Variants in CHD9 observed in about 807,000 individuals in gnomAD.
The protein encoded by CHD9 is ATP-dependent chromatin remodeler CHD9.
A neutral mutation model predicts 316.1 loss-of-function variants in CHD9; 77 were observed. The ratio of observed to expected loss-of-function variants is 0.24; its 90% confidence interval spans 0.20 to 0.29. The LOEUF (loss-of-function observed/expected upper bound fraction) is 0.29, where lower values mean the gene tolerates loss of function less well. Among genes scored for constraint, CHD9 ranks in the 10% least tolerant of loss-of-function variants. The probability of loss-of-function intolerance (pLI) is 1.00; values close to 1 mark genes in which losing one functional copy is unlikely to be tolerated. For missense variants in CHD9, 2,763 were observed against 3,438.1 expected (o/e 0.80, Z 4.91); for synonymous variants, 1,129 against 1,158.3 (o/e 0.97, Z 0.51).
At chr16:53,250,088 C>A (rs1208769890) in intron 17 of CHD9, 22 bp downstream of exon 17, 1 of 1,549,078 alleles carries the variant, frequency 6.5e-7, no homozygotes, top group Non-Finnish European at 8.7e-7. Flanking sequence ...CCTTGGCTAA[C>A]AAAAAATGCA....
chr16:53,303,506 CT>C (rs1430722451), intron 30 of CHD9, among the ~76,000 whole-genome samples: 2 of 151,954 alleles, frequency 1.3e-5, no homozygotes, highest in Non-Finnish European at 2.9e-5. Flanking sequence ...AAACTTTCTC[CT>C]TTTTAAAGCT....
intron 1 of CHD9, among the ~76,000 whole-genome samples, chr16:53,093,781 C>A (rs2036151831): frequency 6.6e-6 from 1 of 152,142 alleles, no homozygotes; most frequent in Non-Finnish European, 1.5e-5. Context: ...GATCTAGGGT[C>A]CTCCTGGCTC....
intron 1 of CHD9, among the ~76,000 whole-genome samples, chr16:53,153,539 T>C (rs1009089226): frequency 2.6e-5 from 4 of 152,122 alleles, no homozygotes; most frequent in African/African-American, 7.2e-5. Flanking sequence ...TTTTCTTCGT[T>C]TGTTTTGGAG....
chr16:53,209,625 G>C lies in CHD9; in HGVS notation c.1596G>C (p.Glu532Asp). ...KQEKANRIIS[E>D]AIAKAKERGE... ...AAAAGGCTAATCGTATAATATCAGAGGCCATAGCAAAAGCAAAGGAGCGTG... is the reference window on the plus strand; with the variant it reads ...AAAAGGCTAATCGTATAATATCAGACGCCATAGCAAAAGCAAAGGAGCGTG... The change falls in exon 3 of 39, where the codon GAG becomes GAC. Residue 532 changes from glutamate (E) to aspartate (D), a missense_variant. This residue lies in a region of CHD9 where 859 missense variants were observed against 890.4 expected (regional missense o/e 0.96). Transcript: ENST00000447540. The C allele has an allele frequency of 3.1e-6, 5 of 1,613,840 alleles. No homozygotes were observed. The highest frequency in any genetic ancestry group is 2.7e-5 in the African/African-American group (2 of 74,988).
At chr16:53,308,941 T>G (rs2056228397) in intron 34 of CHD9, 87 bp downstream of exon 34, 1 of 1,094,746 alleles carries the variant, frequency 9.1e-7, no homozygotes, top group Non-Finnish European at 1.3e-6. Context: ...AATAAAAATT[T>G]ATTTTTCCTT....
intron 1 of CHD9, among the ~76,000 whole-genome samples, chr16:53,091,898 G>A (rs2035973776): frequency 9.2e-5 from 14 of 151,908 alleles, no homozygotes; most frequent in Admixed American, 9.2e-4. Context: ...AATGGAAAGA[G>A]CTTCCTCCTT....
intron 27 of CHD9, 148 bp downstream of exon 27, chr16:53,288,162 G>A: frequency 1.6e-6 from 1 of 634,070 alleles, no homozygotes; most frequent in Non-Finnish European, 2.8e-6. Flanking sequence ...AACTTGGGTT[G>A]ACAAACATCT....
At chr16:53,069,426 C>G (rs538576736) in intron 1 of CHD9, among the ~76,000 whole-genome samples, 1 of 152,174 alleles carries the variant, frequency 6.6e-6, no homozygotes, top group Non-Finnish European at 1.5e-5. Context: ...TAAACAACTC[C>G]CCTTCCCCCT....
intron 1 of CHD9, among the ~76,000 whole-genome samples, chr16:53,152,935 A>G (rs941597043): frequency 1.3e-5 from 2 of 152,134 alleles, no homozygotes; most frequent in African/African-American, 4.8e-5. Context: ...CTGTAAAAAG[A>G]GAATGAGAAT....
chr16:53,287,488 G>A (rs1378921523), intron 26 of CHD9, among the ~76,000 whole-genome samples: 1 of 152,184 alleles, frequency 6.6e-6, no homozygotes, highest in Admixed American at 6.5e-5. Flanking sequence ...AGCACTTTGG[G>A]AGGCCAAGGC....
intron 3 of CHD9, among the ~76,000 whole-genome samples, chr16:53,217,912 TTTTCTTTC>T (rs138448097): frequency 0.036 from 5,243 of 144,210 alleles, 321 homozygotes; most frequent in African/African-American, 0.13. Flanking sequence ...GCTTATACTC[TTTTCTTTC>T]TTTCTTTCTT....
At chr16:53,286,533 G>A (rs1156847454) in intron 26 of CHD9, among the ~76,000 whole-genome samples, 190 bp downstream of exon 26, 1 of 152,148 alleles carries the variant, frequency 6.6e-6, no homozygotes, top group Non-Finnish European at 1.5e-5. Flanking sequence ...GAAGAGGTTG[G>A]ACCTGCCCCA....
rs889284921 is a variant in CHD9, at chr16:53,140,654, C to T, written c.-164-15272C>T. Among the ~76,000 whole-genome samples, 7 of 152,276 alleles carry T rather than the reference C, an allele frequency of 4.6e-5. No individual in the cohort carries two copies. In the South Asian group the frequency reaches 1.0e-3, roughly 23 times the overall value. On this transcript the variant is annotated intron_variant, in intron 1 of 38. Transcript: ENST00000447540. ...TGTGCTGGAGTGCAGTAGCATCGAT[C>T]GTAGCTCACTGCATCCTCAACCTCC...
intron 1 of CHD9, among the ~76,000 whole-genome samples, chr16:53,132,356 C>T (rs1284433739): frequency 6.6e-6 from 1 of 152,102 alleles, no homozygotes; most frequent in Non-Finnish European, 1.5e-5. Flanking sequence ...ATTTTGTATG[C>T]TACTTTTCAC....
chr16:53,087,731 T>G (rs2035581793), intron 1 of CHD9, among the ~76,000 whole-genome samples: 1 of 152,108 alleles, frequency 6.6e-6, no homozygotes, highest in Non-Finnish European at 1.5e-5. Flanking sequence ...GAGGATCACT[T>G]GAGGTCAGGA....
intron 26 of CHD9, among the ~76,000 whole-genome samples, chr16:53,287,213 C>T (rs2153044575): frequency 6.6e-6 from 1 of 152,300 alleles, no homozygotes; most frequent in South Asian, 2.1e-4. Context: ...TGATCTTCCA[C>T]CTTAGCCTTG....
At chr16:53,105,772 C>G (rs535541557) in intron 1 of CHD9, among the ~76,000 whole-genome samples, 8 of 149,858 alleles carry the variant, frequency 5.3e-5, no homozygotes, top group Admixed American at 5.3e-4. Flanking sequence ...TGCTGTGGGT[C>G]TTGAATTTTC....
chr16:53,320,239 G>T (rs1177187003), intron 37 of CHD9, among the ~76,000 whole-genome samples: 1 of 150,558 alleles, frequency 6.6e-6, no homozygotes, highest in Admixed American at 6.6e-5. Flanking sequence ...AAGAATACTT[G>T]TGTTGGGTGC....
chr16:53,156,102 A>G lies in CHD9; in HGVS notation c.13A>G (p.Met5Val), dbSNP rs776868081. 1.2e-5 allele frequency: 20 copies of G among 1,612,500 alleles called. No homozygotes were observed. The highest frequency in any genetic ancestry group is 2.2e-5 in the East Asian group (1 of 44,866). The change falls in exon 2 of 39, where the codon ATG (methionine) becomes GTG (valine). Residue 5 changes from methionine to valine, a missense_variant. Met to Val is a conservative substitution (Grantham distance 21). Coordinates refer to ENST00000447540, the MANE Select transcript of CHD9 (RefSeq NM_001308319.2). ...CAGAATTTTCAAGATGACAGATCCA[A>G]TGATGGACTTTTTTGATGATGCCAA... Reference protein sequence around the residue: MTDPMMDFFDDANLF... With the variant: MTDPVMDFFDDANLF...
Sources: allele counts gnomAD v4.1 joint callset (sites outside exome capture counted in the v4.1 genomes callset), GRCh38; gene constraint gnomAD v4.1.1; regional missense constraint gnomAD v4.1.1; transcripts MANE v1.5; gene names NCBI Gene and HGNC (gene_info 2026-07-23, HGNC 2026-07-21).